RGS6: variants seen among roughly 807,000 people sequenced by gnomAD.
RGS6 encodes the protein regulator of G-protein signaling 6.
RGS6 carries 30 observed loss-of-function variants against 78.5 expected under a neutral mutation model. That is an observed-to-expected ratio of 0.38 (90% CI 0.29 to 0.52). RGS6 has a LOEUF of 0.52. RGS6 is among the 20% of genes least tolerant of loss of function. The pLI is 0.85. For synonymous variants in RGS6, 206 were observed against 206.0 expected (o/e 1.00, Z 0.00); for missense variants, 495 against 609.7 (o/e 0.81, Z 1.98).
At chr14:72,613,215 A>AG in the RGS6 span, among the ~76,000 whole-genome samples, 1 of 152,182 alleles carries the variant, frequency 6.6e-6, no homozygotes, top group South Asian at 2.1e-4. Flanking sequence ...TATAGGCCCC[A>AG]GGGGCTCACA....
intron 2 of RGS6, among the ~76,000 whole-genome samples, chr14:72,269,184 GCA>G (rs2059539656): frequency 6.7e-6 from 1 of 148,876 alleles, no homozygotes; most frequent in Non-Finnish European, 1.5e-5. Flanking sequence ...CTCTCCTGGA[GCA>G]CTGTGATACC....
At chr14:72,612,566 CGGCAGAG>C in the RGS6 span, 1 of 485,854 alleles carries the variant, frequency 2.1e-6, no homozygotes, top group Admixed American at 2.1e-5. Flanking sequence ...GCATCTATCA[CGGCAGAG>C]GGAAGGGAGG....
intron 2 of RGS6, among the ~76,000 whole-genome samples, chr14:72,113,088 A>G (rs1205856730): frequency 1.8e-5 from 2 of 113,112 alleles, no homozygotes; most frequent in Non-Finnish European, 4.1e-5. Context: ...GCATGCACGC[A>G]TGCATGCACA....
At chr14:72,033,608 A>G (rs775155461) in intron 2 of RGS6, among the ~76,000 whole-genome samples, 8 of 152,192 alleles carry the variant, frequency 5.3e-5, no homozygotes, top group Non-Finnish European at 1.2e-4. Context: ...GCCCCGAATC[A>G]TAAGCGAGTA....
the RGS6 span, among the ~76,000 whole-genome samples, chr14:71,910,408 C>A: frequency 4.6e-5 from 7 of 152,310 alleles, no homozygotes; most frequent in Non-Finnish European, 1.0e-4. Flanking sequence ...AAGCCTAAGA[C>A]TGCTTCTCTT....
rs541885623 is a variant in RGS6, at chr14:72,529,404, G to T, written c.1279-6782G>T. Among the ~76,000 whole-genome samples, 5 of 152,294 alleles carry T rather than the reference G, an allele frequency of 3.3e-5. No homozygotes were observed. In the South Asian group the frequency reaches 8.3e-4, roughly 25 times the overall value. On this transcript the variant is annotated intron_variant, in intron 15 of 17. Coordinates refer to ENST00000553525, the MANE Select transcript of RGS6 (RefSeq NM_001204424.2). ...GATTGGTGTGGTGAGACCACCTCATGGGACTCATGCTCCAGTAGGTTGTGT... is the reference window on the plus strand; with the variant it reads ...GATTGGTGTGGTGAGACCACCTCATTGGACTCATGCTCCAGTAGGTTGTGT...
At chr14:72,352,351 A>G (rs550501049) in intron 3 of RGS6, among the ~76,000 whole-genome samples, 157 bp downstream of exon 3, 9 of 152,338 alleles carry the variant, frequency 5.9e-5, no homozygotes, top group Middle Eastern at 6.8e-3. Context: ...CTTAGTTTCC[A>G]GGAAGAAGCT....
chr14:72,030,980 ATTT>A (rs10581212), intron 2 of RGS6, among the ~76,000 whole-genome samples: 98 of 141,664 alleles, frequency 6.9e-4, no homozygotes, highest in African/African-American at 2.4e-3. Flanking sequence ...TTTAGCAACA[ATTT>A]TTTTTTTTTT....
chr14:72,433,882 G>A lies in RGS6; in HGVS notation c.185-20646G>A, dbSNP rs181449388. 7.4e-4 allele frequency among the ~76,000 whole-genome samples: 112 copies of A among 152,328 alleles called. 1 individual carries two copies. The highest frequency in any genetic ancestry group is 2.7e-3 in the Admixed American group (41 of 15,302). Reference sequence around the variant, plus strand: ...CAGGTTGCTGTGCATACAAATGGGCGAATATGTGTAAACTGCTGAGAACAG... The same window carrying A: ...CAGGTTGCTGTGCATACAAATGGGCAAATATGTGTAAACTGCTGAGAACAG... On this transcript the variant is annotated intron_variant, in intron 3 of 17. Coordinates refer to ENST00000553525, the MANE Select transcript of RGS6 (RefSeq NM_001204424.2).
chr14:72,258,674 C>T (rs541911115), intron 2 of RGS6, among the ~76,000 whole-genome samples: 2 of 152,116 alleles, frequency 1.3e-5, no homozygotes, highest in Non-Finnish European at 2.9e-5. Flanking sequence ...TTTCTAGAGC[C>T]TCTGTTTATT....
rs535942571 is a variant in RGS6, at chr14:72,040,036, A to ATAT, written c.84+75163_84+75165dup. Among the ~76,000 whole-genome samples the ATAT allele has an allele frequency of 4.6e-5, 7 of 152,134 alleles. No individual in the cohort carries two copies. The South Asian group carries it at 1.5e-3, about 32-fold the overall frequency. On this transcript the variant is annotated intron_variant, in intron 2 of 17. Coordinates refer to ENST00000553525, the MANE Select transcript of RGS6 (RefSeq NM_001204424.2). Reference sequence around the variant, plus strand: ...CCAATCTTTCAAATTATACCTTTTTATATTGCATATCCAATCAAGCTTTCA... The same window carrying ATAT: ...CCAATCTTTCAAATTATACCTTTTTATATTATTGCATATCCAATCAAGCTTTCA...
the RGS6 span, among the ~76,000 whole-genome samples, chr14:72,617,512 T>G: frequency 6.6e-6 from 1 of 152,094 alleles, no homozygotes; most frequent in Non-Finnish European, 1.5e-5. Context: ...AGATGAAAAT[T>G]CCATCCGGTC....
chr14:72,396,657 G>A (rs370251501), intron 3 of RGS6, among the ~76,000 whole-genome samples: 2 of 152,096 alleles, frequency 1.3e-5, no homozygotes, highest in Non-Finnish European at 2.9e-5. Context: ...AGGTTTTCTT[G>A]TAGGGTTTTT....
rs1479444731 is a variant in RGS6, at chr14:72,346,926, A to G, written c.85-5169A>G. Among the ~76,000 whole-genome samples the G allele has an allele frequency of 3.3e-5, 5 of 152,252 alleles. No individual in the cohort carries two copies. In the East Asian group the frequency reaches 5.8e-4, roughly 18 times the overall value. On this transcript the variant is annotated intron_variant, in intron 2 of 17. Coordinates refer to ENST00000553525, the MANE Select transcript of RGS6 (RefSeq NM_001204424.2). ...TTTAAAAGAAAACCCACTCTATGGC[A>G]TAATGGTTTCCAGTGTCCTGCTGTT...
chr14:72,576,484 C>T, the RGS6 span, among the ~76,000 whole-genome samples: 1 of 152,224 alleles, frequency 6.6e-6, no homozygotes, highest in Non-Finnish European at 1.5e-5. Context: ...CAGATTGCAA[C>T]ACATCTGTAA....
chr14:72,541,441 C>T, intron 17 of RGS6: 1 of 1,533,838 alleles, frequency 6.5e-7, no homozygotes, highest in Non-Finnish European at 8.7e-7. Flanking sequence ...GGTCTTCCCT[C>T]TCTGTGGCCT....
intron 3 of RGS6, among the ~76,000 whole-genome samples, chr14:72,422,168 G>C (rs529901470): frequency 6.6e-6 from 1 of 152,278 alleles, no homozygotes; most frequent in Non-Finnish European, 1.5e-5. Flanking sequence ...TGCCATGATT[G>C]TGAGGCCTCC....
At chr14:72,181,175 G>C (rs1394544678) in intron 2 of RGS6, among the ~76,000 whole-genome samples, 1 of 152,310 alleles carries the variant, frequency 6.6e-6, no homozygotes, top group East Asian at 1.9e-4. Context: ...TCACATCAGA[G>C]AAAGCTATTG....
downstream of RGS6, among the ~76,000 whole-genome samples, chr14:72,570,393 C>G (rs1242603343): frequency 6.6e-6 from 1 of 151,972 alleles, no homozygotes; most frequent in Non-Finnish European, 1.5e-5. Flanking sequence ...TACTAGGAAA[C>G]AAAGGGAAGT....
Sources: allele counts gnomAD v4.1 joint callset (sites outside exome capture counted in the v4.1 genomes callset), GRCh38; gene constraint gnomAD v4.1.1; transcripts MANE v1.5; gene names NCBI Gene and HGNC (gene_info 2026-07-23, HGNC 2026-07-21).